ADAMTSL1: variants seen among roughly 807,000 people sequenced by gnomAD.
ADAMTSL1 encodes the protein ADAMTS-like protein 1.
Under a neutral mutation model 201.8 loss-of-function variants are expected in ADAMTSL1, and 126 were observed. That is an observed-to-expected ratio of 0.62 (90% CI 0.54 to 0.72). The LOEUF (loss-of-function observed/expected upper bound fraction) is 0.72, where lower values mean the gene tolerates loss of function less well. Among genes scored for constraint, ADAMTSL1 ranks in the 30% least tolerant of loss-of-function variants. ADAMTSL1 has a pLI of 0.00. For missense variants in ADAMTSL1, 2,679 were observed against 2,277.8 expected, an observed-to-expected ratio of 1.18 and a Z score of -3.59; for synonymous variants, 1,121 against 903.4, an observed-to-expected ratio of 1.24 and a Z score of -4.32.
intron 20 of ADAMTSL1, among the ~76,000 whole-genome samples, chr9:18,802,600 A>G (rs141632462): frequency 2.5e-3 from 374 of 152,318 alleles, no homozygotes; most frequent in Non-Finnish European, 4.6e-3. Context: ...TTATTTCTCC[A>G]TTCATCAGGT....
chr9:18,791,890 C>T (rs12343403), intron 19 of ADAMTSL1, among the ~76,000 whole-genome samples: 4,975 of 152,280 alleles, frequency 0.033, 295 homozygotes, highest in African/African-American at 0.11. Context: ...CACCTCCCTT[C>T]CTTTCATCAG....
In ADAMTSL1 at chr9:18,533,285, G is replaced by A. The variant is rs539499921; in HGVS notation, c.230G>A (p.Ser77Asn). 27 of 1,608,942 alleles carry A rather than the reference G, an allele frequency of 1.7e-5. No individual in the cohort carries two copies. The highest frequency in any genetic ancestry group is 1.6e-4 in the East Asian group (7 of 44,612). Reference sequence around the variant, plus strand: ...AGAAATATCCGATACAGAACATGCAGTAATGTGGTAAGTATAAGGTTCTGA... The same window carrying A: ...AGAAATATCCGATACAGAACATGCAATAATGTGGTAAGTATAAGGTTCTGA... ...EGRNIRYRTC[S>N]NVDCPPEAGD... Residue 77 changes from serine to asparagine, a missense_variant, in exon 3 of 29, where the codon AGT (serine) becomes AAT (asparagine). Transcript: ENST00000380548.
At chr9:18,579,511 T>A (rs909599429) in intron 4 of ADAMTSL1, among the ~76,000 whole-genome samples, 6 of 151,988 alleles carry the variant, frequency 3.9e-5, no homozygotes, top group East Asian at 1.9e-4. Flanking sequence ...AATAAATAAA[T>A]AAAAAAAATA....
chr9:18,076,940 A>T (rs921512436), intron 1 of ADAMTSL1, among the ~76,000 whole-genome samples: 2 of 152,168 alleles, frequency 1.3e-5, no homozygotes, highest in Non-Finnish European at 2.9e-5. Flanking sequence ...GACCGATTGA[A>T]TGTATACTTG....
intron 2 of ADAMTSL1, among the ~76,000 whole-genome samples, chr9:18,530,757 G>A (rs1203092464): frequency 6.6e-6 from 1 of 152,120 alleles, no homozygotes; most frequent in East Asian, 1.9e-4. Context: ...TACTAACTCA[G>A]TTAATTCTCA....
chr9:18,905,451 T>C (rs941441277), intron 26 of ADAMTSL1: 1 of 299,382 alleles, frequency 3.3e-6, no homozygotes, highest in Non-Finnish European at 6.5e-6. Context: ...GGTCTTCAGT[T>C]CTAAAGTCTA....
At chr9:18,733,706 A>G (rs1392685086) in intron 15 of ADAMTSL1, among the ~76,000 whole-genome samples, 1 of 133,206 alleles carries the variant, frequency 7.5e-6, no homozygotes, top group Non-Finnish European at 1.5e-5. Flanking sequence ...CCCAGTGCAA[A>G]CCTGGGTCCT....
At chr9:18,509,579 T>C (rs1039107845) in intron 2 of ADAMTSL1, among the ~76,000 whole-genome samples, 7 of 152,214 alleles carry the variant, frequency 4.6e-5, no homozygotes, top group Non-Finnish European at 5.9e-5. Context: ...CTGGTTCAAC[T>C]TGGGAAACCC....
rs181044940 is a variant in ADAMTSL1, at chr9:18,865,663, G to C, written c.4250-22168G>C. The stretch of plus-strand genomic sequence containing the variant: ...CTTACACATATGTGAATCACACCTG[G>C]CTTTGGCTCAGTTTAGAACCACTTT... On this transcript the variant is annotated intron_variant, in intron 23 of 28. Coordinates refer to ENST00000380548, the MANE Select transcript of ADAMTSL1 (RefSeq NM_001040272.6). Among the ~76,000 whole-genome samples the C allele has an allele frequency of 5.9e-5, 9 of 152,278 alleles. No homozygotes were observed. In the East Asian group the frequency reaches 1.7e-3, roughly 29 times the overall value.
intron 1 of ADAMTSL1, among the ~76,000 whole-genome samples, chr9:18,049,618 TC>T (rs1363118639): frequency 4.0e-5 from 5 of 123,666 alleles, no homozygotes; most frequent in African/African-American, 1.4e-4. Context: ...GACTTCTTAT[TC>T]TTTTTTTTTT....
chr9:18,224,021 C>CT (rs1224896749), intron 2 of ADAMTSL1, among the ~76,000 whole-genome samples: 6 of 151,486 alleles, frequency 4.0e-5, no homozygotes, highest in East Asian at 1.9e-4. Context: ...TAAAAGCATT[C>CT]TTTTTTTTTC....
chr9:18,311,278 A>C (rs1053321370), intron 2 of ADAMTSL1, among the ~76,000 whole-genome samples: 1 of 152,068 alleles, frequency 6.6e-6, no homozygotes, highest in East Asian at 1.9e-4. Flanking sequence ...GGGTGCAGCA[A>C]ACCACCACAG....
intron 2 of ADAMTSL1, among the ~76,000 whole-genome samples, chr9:18,451,272 A>G (rs1820394647): frequency 6.6e-6 from 1 of 152,234 alleles, no homozygotes. Context: ...TAAAGGGCAT[A>G]CTAGTATACC....
At chr9:18,587,131 G>A (rs1303210472) in intron 4 of ADAMTSL1, among the ~76,000 whole-genome samples, 3 of 152,152 alleles carry the variant, frequency 2.0e-5, no homozygotes, top group Non-Finnish European at 4.4e-5. Context: ...CTTCTGCACA[G>A]CAAAAGAAAC....
chr9:18,178,563 C>G (rs1235326205), intron 2 of ADAMTSL1, among the ~76,000 whole-genome samples: 1 of 151,008 alleles, frequency 6.6e-6, no homozygotes, highest in Non-Finnish European at 1.5e-5. Context: ...TAGGCTCCAC[C>G]TCTGGGGGCA....
At chr9:18,431,711 T>C (rs1014531964) in intron 2 of ADAMTSL1, among the ~76,000 whole-genome samples, 2 of 152,092 alleles carry the variant, frequency 1.3e-5, no homozygotes, top group Admixed American at 1.3e-4. Flanking sequence ...AAGTCTTCTG[T>C]GTCTGAAGTC....
Position 18,322,385 on chromosome 9 carries a change from C to A in ADAMTSL1, c.207+158404C>A, listed in dbSNP as rs1228762326. ...TGGTGGCTTACACCTGTAATCCCAG[C>A]ACTTTGGGAGGCCGAGGTGGGTGGC... On this transcript the variant is annotated intron_variant, in intron 2 of 29. Transcript: ENST00000680146. 4.6e-5 allele frequency among the ~76,000 whole-genome samples: 7 copies of A among 152,160 alleles called. No homozygotes were observed. The East Asian group carries it at 1.3e-3, about 29-fold the overall frequency.
intron 2 of ADAMTSL1, among the ~76,000 whole-genome samples, chr9:18,298,467 A>T (rs1298071469): frequency 6.6e-6 from 1 of 152,202 alleles, no homozygotes; most frequent in Non-Finnish European, 1.5e-5. Context: ...CTGAATTTTG[A>T]CCTAGAAACA....
At chr9:18,600,839 G>C (rs766350472) in intron 4 of ADAMTSL1, among the ~76,000 whole-genome samples, 3 of 152,098 alleles carry the variant, frequency 2.0e-5, no homozygotes, top group African/African-American at 7.2e-5. Flanking sequence ...TGTACCTATG[G>C]TTGTTTCAAA....
Sources: gnomAD v4.1 joint callset for allele counts (sites outside exome capture counted in the v4.1 genomes callset) on GRCh38, gnomAD v4.1.1 for gene constraint, MANE v1.5 for transcripts, NCBI Gene and HGNC (gene_info 2026-07-23, HGNC 2026-07-21) for gene names.